The following SYNCRIP variants were observed in gnomAD, a reference collection of about 807,000 sequenced individuals.
SYNCRIP encodes synaptotagmin binding cytoplasmic RNA interacting protein.
In SYNCRIP, 9 loss-of-function variants were observed where a neutral mutation model predicts 68.9. The ratio of observed to expected loss-of-function variants is 0.13; its 90% CI spans 0.08 to 0.23. SYNCRIP has a LOEUF of 0.23. Among genes scored for constraint, SYNCRIP ranks in the 10% least tolerant of loss-of-function variants. The pLI is 1.00. For missense variants in SYNCRIP, 414 were observed against 770.6 expected, an observed-to-expected ratio of 0.54 and a Z score of 5.48; for synonymous variants, 258 against 254.0, an observed-to-expected ratio of 1.02 and a Z score of -0.15.
At chr6:85,640,890 G>T (rs1237774708) in intron 2 of SYNCRIP, among the ~76,000 whole-genome samples, 4 of 152,138 alleles carry the variant, frequency 2.6e-5, no homozygotes, top group African/African-American at 9.7e-5. Flanking sequence ...CATGACAACT[G>T]AACCTCTACT....
At chr6:85,643,091 C>G (rs993996627), upstream of SYNCRIP, 2 of 151,200 alleles carry the variant, frequency 1.3e-5, no homozygotes, top group South Asian at 4.1e-4. Context: ...TCCTTCTCCC[C>G]CTACCACCAC....
chr6:85,642,891 C>T (rs1382434797), upstream of SYNCRIP: 1 of 152,644 alleles, frequency 6.6e-6, no homozygotes, highest in Non-Finnish European at 1.5e-5. Context: ...GCGAGTGGAG[C>T]TGTTGTAAAA....
chr6:85,615,809 C>G (rs944517236), intron 10 of SYNCRIP, among the ~76,000 whole-genome samples: 1 of 151,188 alleles, frequency 6.6e-6, no homozygotes, highest in Non-Finnish European at 1.5e-5. Flanking sequence ...GACTCTGACT[C>G]AAAAAAAAAT....
chr6:85,633,602 C>T (rs1808085935), intron 6 of SYNCRIP, among the ~76,000 whole-genome samples: 2 of 152,258 alleles, frequency 1.3e-5, no homozygotes, highest in South Asian at 2.1e-4. Context: ...AAAAAACTTA[C>T]TAAAAAGTCA....
chr6:85,616,582 G>A (rs924051204), intron 10 of SYNCRIP, among the ~76,000 whole-genome samples: 3 of 149,486 alleles, frequency 2.0e-5, no homozygotes, highest in African/African-American at 7.3e-5. Context: ...CCTCGGCCTA[G>A]AGTGATCTGC....
At chr6:85,629,516 CAAAAAAAAAAAAAA>C (rs781083306) in intron 6 of SYNCRIP, among the ~76,000 whole-genome samples, 3 of 64,908 alleles carry the variant, frequency 4.6e-5, no homozygotes, top group Middle Eastern at 0.012. Flanking sequence ...ACTAAAAATA[CAAAAAAAAAAAAAA>C]AAAAAAAAAA....
At chr6:85,640,125 T>A in intron 4 of SYNCRIP, 96 bp downstream of exon 4, 1 of 806,032 alleles carries the variant, frequency 1.2e-6, no homozygotes, top group African/African-American at 1.7e-5. Flanking sequence ...TATCTCAACA[T>A]CTAACATACA....
intron 4 of SYNCRIP, 105 bp from the exon 5 acceptor site, chr6:85,637,461 T>C (rs1170217605): frequency 4.2e-6 from 3 of 709,474 alleles, no homozygotes; most frequent in Non-Finnish European, 4.5e-6. Flanking sequence ...TATCTTGGCA[T>C]GTTCCCTTAT....
At chr6:85,617,455 CTGTT>C (rs1322541204) in intron 10 of SYNCRIP, among the ~76,000 whole-genome samples, 1 of 152,202 alleles carries the variant, frequency 6.6e-6, no homozygotes, top group Admixed American at 6.5e-5. Flanking sequence ...TTATTTTACA[CTGTT>C]TAGTATATCC....
At chr6:85,618,335 G>GT (rs1806006847) in intron 10 of SYNCRIP, among the ~76,000 whole-genome samples, 1 of 151,884 alleles carries the variant, frequency 6.6e-6, no homozygotes. Flanking sequence ...GAGGTCAGGA[G>GT]TTTGAGACCA....
chr6:85,634,979 G>C (rs1381631960), intron 6 of SYNCRIP, among the ~76,000 whole-genome samples: 2 of 152,080 alleles, frequency 1.3e-5, no homozygotes, highest in African/African-American at 4.8e-5. Context: ...AGACCGGCCT[G>C]GCCAACATAA....
chr6:85,628,374 A>G (rs955204253), intron 6 of SYNCRIP, among the ~76,000 whole-genome samples: 1 of 152,246 alleles, frequency 6.6e-6, no homozygotes, highest in Non-Finnish European at 1.5e-5. Context: ...TCTTAATTAT[A>G]AAGTCTTCTT....
At chr6:85,631,686 A>G (rs971718918) in intron 6 of SYNCRIP, among the ~76,000 whole-genome samples, 5 of 152,230 alleles carry the variant, frequency 3.3e-5, no homozygotes, top group South Asian at 2.1e-4. Context: ...TACCTAAACC[A>G]CTACATAATT....
At chr6:85,638,313 G>A (rs1023581105) in intron 4 of SYNCRIP, among the ~76,000 whole-genome samples, 2 of 147,838 alleles carry the variant, frequency 1.4e-5, no homozygotes, top group African/African-American at 2.5e-5. Context: ...CTGGAGGGGC[G>A]GAGGTTGCAG....
intron 6 of SYNCRIP, among the ~76,000 whole-genome samples, chr6:85,631,100 T>C (rs1282409279): frequency 2.0e-5 from 3 of 152,060 alleles, no homozygotes; most frequent in Non-Finnish European, 4.4e-5. Context: ...CCCAGTACTT[T>C]GGGAGGCTGA....
chr6:85,618,742 T>C, intron 10 of SYNCRIP, 76 bp downstream of exon 10: 1 of 1,294,840 alleles, frequency 7.7e-7, no homozygotes, highest in Non-Finnish European at 1.1e-6. Context: ...ACAAGTCTGA[T>C]CAACACCTGT....
chr6:85,636,840 GA>G (rs1298739958), intron 6 of SYNCRIP, 126 bp downstream of exon 6: 1,244 of 750,372 alleles, frequency 1.7e-3, no homozygotes, highest in South Asian at 2.5e-3. Flanking sequence ...AGTGATGTGG[GA>G]AAAAAAAAAC....
At chr6:85,609,402 T>C (rs959532808), downstream of SYNCRIP, 3 of 151,972 alleles carry the variant, frequency 2.0e-5, no homozygotes, top group Non-Finnish European at 4.4e-5. Flanking sequence ...AAAACTTTTA[T>C]ATACAATAAC....
chr6:85,631,013 A>C (rs952580725), intron 6 of SYNCRIP, among the ~76,000 whole-genome samples: 1 of 152,166 alleles, frequency 6.6e-6, no homozygotes, highest in Non-Finnish European at 1.5e-5. Flanking sequence ...AACCCCTACG[A>C]AAGCAGAACA....
Sources: gnomAD v4.1 joint callset for allele counts (sites outside exome capture counted in the v4.1 genomes callset) on GRCh38, gnomAD v4.1.1 for gene constraint, MANE v1.5 for transcripts, NCBI Gene and HGNC (gene_info 2026-07-23, HGNC 2026-07-21) for gene names.